The following MBD5 variants were observed in gnomAD, a reference collection of about 807,000 sequenced individuals.
MBD5 encodes the protein methyl-CpG binding domain protein 5.
A neutral mutation model predicts 117.3 loss-of-function variants in MBD5; 13 were observed. The ratio of observed to expected loss-of-function variants is 0.11; its 90% CI spans 0.07 to 0.18. MBD5 has a LOEUF of 0.18. Among genes scored for constraint, MBD5 ranks in the 10% least tolerant of loss-of-function variants. The pLI is 1.00. For synonymous variants in MBD5, 727 were observed against 766.4 expected (o/e 0.95, Z 0.85); for missense variants, 1,879 against 2,093.8 (o/e 0.90, Z 2.00).
intron 4 of MBD5, among the ~76,000 whole-genome samples, chr2:148,452,985 ATTG>A (rs1651066981): frequency 6.6e-6 from 1 of 152,200 alleles, no homozygotes; most frequent in African/African-American, 2.4e-5. Flanking sequence ...GTAAAATTAT[ATTG>A]ACTAATTAGA....
At chr2:148,195,224 T>A (rs188386571) in intron 2 of MBD5, among the ~76,000 whole-genome samples, 3 of 152,162 alleles carry the variant, frequency 2.0e-5, no homozygotes, top group African/African-American at 7.2e-5. Context: ...ATGTGTTAAA[T>A]ATACCATGCA....
At chr2:148,270,546 G>A (rs768996539) in intron 3 of MBD5, among the ~76,000 whole-genome samples, 3 of 151,750 alleles carry the variant, frequency 2.0e-5, no homozygotes, top group Non-Finnish European at 4.4e-5. Flanking sequence ...GCACCACCAC[G>A]CCTGGCTAAT....
chr2:148,120,482 T>A (rs944870516), intron 1 of MBD5, among the ~76,000 whole-genome samples: 17 of 152,258 alleles, frequency 1.1e-4, no homozygotes, highest in African/African-American at 3.6e-4. Flanking sequence ...AAATGCTTTG[T>A]AGTTTTCACA....
At chr2:148,472,039 G>C (rs1377854052) in intron 8 of MBD5, 1 of 151,966 alleles carries the variant, frequency 6.6e-6, no homozygotes, top group East Asian at 1.9e-4. Flanking sequence ...CCCTACCTCA[G>C]TTTACTTCAT....
chr2:148,121,250 T>C (rs916003190), intron 1 of MBD5, among the ~76,000 whole-genome samples: 1 of 152,212 alleles, frequency 6.6e-6, no homozygotes, highest in Non-Finnish European at 1.5e-5. Context: ...AGAGTAGCAG[T>C]TGACACTTGT....
chr2:148,141,812 A>G (rs896820947), intron 1 of MBD5, among the ~76,000 whole-genome samples: 2 of 151,570 alleles, frequency 1.3e-5, no homozygotes, highest in African/African-American at 4.8e-5. Context: ...AATGTTTTTA[A>G]TAAAAATAAA....
intron 1 of MBD5, among the ~76,000 whole-genome samples, chr2:148,096,985 C>A (rs1030171334): frequency 1.3e-5 from 2 of 152,062 alleles, no homozygotes; most frequent in African/African-American, 4.8e-5. Flanking sequence ...GGGATAGAAA[C>A]AATCTTGCAT....
At chr2:148,276,935 A>G (rs760194107) in intron 3 of MBD5, among the ~76,000 whole-genome samples, 11 of 152,256 alleles carry the variant, frequency 7.2e-5, no homozygotes, top group Middle Eastern at 3.4e-3. Context: ...ATTTGAAAAA[A>G]TTAAACCCAA....
chr2:148,291,339 A>T (rs1273244285), intron 3 of MBD5, among the ~76,000 whole-genome samples: 1 of 152,186 alleles, frequency 6.6e-6, no homozygotes, highest in Non-Finnish European at 1.5e-5. Flanking sequence ...TGAACATGAG[A>T]TGTCTTTGTA....
At chr2:148,288,758 AG>A (rs1346266762) in intron 3 of MBD5, among the ~76,000 whole-genome samples, 2 of 151,990 alleles carry the variant, frequency 1.3e-5, no homozygotes, top group African/African-American at 4.8e-5. Context: ...AATAATAAAA[AG>A]GAAAAAAAAA....
chr2:148,291,655 T>A (rs1701503639), intron 3 of MBD5, among the ~76,000 whole-genome samples: 1 of 152,110 alleles, frequency 6.6e-6, no homozygotes, highest in Non-Finnish European at 1.5e-5. Context: ...TTCTTATATA[T>A]AAAATCAGTG....
chr2:148,139,659 A>G (rs572634300), intron 1 of MBD5, among the ~76,000 whole-genome samples: 77 of 152,304 alleles, frequency 5.1e-4, no homozygotes, highest in Non-Finnish European at 1.1e-3. Flanking sequence ...CTCTCCCCAG[A>G]CAACAAAAAG....
intron 3 of MBD5, among the ~76,000 whole-genome samples, chr2:148,282,348 A>G (rs1278206115): frequency 1.3e-5 from 2 of 152,120 alleles, no homozygotes; most frequent in Non-Finnish European, 2.9e-5. Flanking sequence ...AAGAATACCA[A>G]TTCATGTTCT....
chr2:148,297,359 A>T (rs1701679408), intron 3 of MBD5, among the ~76,000 whole-genome samples: 2 of 152,230 alleles, frequency 1.3e-5, no homozygotes, highest in Middle Eastern at 3.4e-3. Flanking sequence ...GAAGCTTCTG[A>T]TGTTACTCTT....
intron 4 of MBD5, among the ~76,000 whole-genome samples, chr2:148,414,830 C>A (rs1476603982): frequency 6.6e-6 from 1 of 151,798 alleles, no homozygotes; most frequent in Non-Finnish European, 1.5e-5. Flanking sequence ...TTTTTCCATC[C>A]CTTTACTTTG....
chr2:148,273,834 G>A (rs1701040550), intron 3 of MBD5, among the ~76,000 whole-genome samples: 2 of 152,254 alleles, frequency 1.3e-5, no homozygotes, highest in Middle Eastern at 6.8e-3. Flanking sequence ...ACCTAGTTGG[G>A]CAGTAACAAT....
At chr2:148,345,520 CACAT>C (rs1703093274) in intron 4 of MBD5, among the ~76,000 whole-genome samples, 1 of 94,590 alleles carries the variant, frequency 1.1e-5, no homozygotes, top group Non-Finnish European at 2.1e-5. Flanking sequence ...TATGTATATA[CACAT>C]ACATATGTAT....
At position 148,503,685 on chromosome 2, in the gene MBD5, C is replaced by T. The variant is rs1681940230; in HGVS notation, c.5036+1176C>T. On this transcript the variant is annotated intron_variant, in intron 12 of 13. Transcript: ENST00000642680. ...AAATTGGTACTGGCTGTGTGAAAGG[C>T]CAAGTTAATTGCCGGATAACATCCC... is the stretch of plus-strand genomic sequence containing the variant. Among the ~76,000 whole-genome samples, 2 of 152,122 alleles carry T rather than the reference C, an allele frequency of 1.3e-5. 1 individual carries two copies. Among genetic ancestry groups the T allele is most frequent in the South Asian group, 4.1e-4 (2 of 4,820 alleles).
intron 7 of MBD5, among the ~76,000 whole-genome samples, chr2:148,465,575 G>T (rs1707235404): frequency 6.6e-6 from 1 of 152,040 alleles, no homozygotes; most frequent in Non-Finnish European, 1.5e-5. Context: ...CTGAGATTTG[G>T]ACCAGTCTTA....
Sources: gnomAD v4.1 joint callset for allele counts (sites outside exome capture counted in the v4.1 genomes callset) on GRCh38, gnomAD v4.1.1 for gene constraint, MANE v1.5 for transcripts, NCBI Gene and HGNC (gene_info 2026-07-23, HGNC 2026-07-21) for gene names.